Variants in SIDT1 observed in about 807,000 individuals in gnomAD.
SIDT1 encodes the protein SID1 transmembrane family member 1, also known as SID1 transmembrane family, member 1.
Under a neutral mutation model 107.5 loss-of-function variants are expected in SIDT1, and 101 were observed. The ratio of observed to expected loss-of-function variants is 0.94; its 90% CI spans 0.80 to 1.11. The LOEUF is 1.11. Among genes scored for constraint, SIDT1 ranks in the 50% least tolerant of loss-of-function variants. The pLI is 0.00. For synonymous variants in SIDT1, 395 were observed against 398.2 expected (o/e 0.99, Z 0.10); for missense variants, 1,076 against 1,058.2 (o/e 1.02, Z -0.23).
At chr3:113,595,100 C>T (rs2614193) in intron 10 of SIDT1, among the ~76,000 whole-genome samples, 85,056 of 152,120 alleles carry the variant, frequency 0.56, 24,519 homozygotes, top group African/African-American at 0.69. Context: ...AACCTACTTT[C>T]AGAATTAAGA....
chr3:113,566,437 GTA>G lies in SIDT1; in HGVS notation c.242_243del (p.Tyr81CysfsTer6). 6.2e-7 allele frequency: 1 copy of G among 1,614,106 alleles called. No homozygotes were observed. Among genetic ancestry groups the G allele is most frequent in the South Asian group, 1.1e-5 (1 of 91,074 alleles). On this transcript the variant is annotated frameshift_variant, in exon 2 of 25. Coordinates refer to ENST00000264852, the MANE Select transcript of SIDT1 (RefSeq NM_017699.3). LOFTEE classifies it high-confidence loss of function. Reference protein sequence around the residue: ...QPDQVTAVRVYVNSSSENLNY... With the variant: ...QPDQVTAVRVXVNSSSENLNY... ...CCATGCAGGTGACAGCCGTGAGGGT[GTA>G]TGTGAACAGTTCCTCTGAGAATCTC...
At chr3:113,581,569 T>A (rs1167309376) in intron 6 of SIDT1, 125 bp downstream of exon 6, 4 of 787,606 alleles carry the variant, frequency 5.1e-6, no homozygotes, top group Non-Finnish European at 8.5e-6. Context: ...CCTTTCTGAT[T>A]GGTTTAAAAA....
rs55802002 is a variant in SIDT1 at position 113,566,338 on chromosome 3, T to TTGTG, written c.223-58_223-55dup. ...CTATGGTGTGTGTGTTTGTGTGTGTTTGTGTGTGTGTGTGTGTGTGTGTGT... is the reference window on the plus strand; with the variant it reads ...CTATGGTGTGTGTGTTTGTGTGTGTTTGTGTGTGTGTGTGTGTGTGTGTGTGTGT... On this transcript the variant is annotated intron_variant, in intron 1 of 24. Coordinates refer to ENST00000264852, the MANE Select transcript of SIDT1 (RefSeq NM_017699.3). 1.2e-3 allele frequency: 1,300 copies of TTGTG among 1,099,158 alleles called. 2 individuals carry two copies. Among genetic ancestry groups the TTGTG allele is most frequent in the South Asian group, 2.3e-3 (150 of 65,116 alleles). 68.1% of individuals were successfully genotyped at this position (1,099,158 alleles called of 1,614,324 possible).
In SIDT1 at chr3:113,623,503, C is replaced by T; in HGVS notation, c.2167C>T (p.Leu723=). ...MLGIFICNLL[L]YLAFYIIMKL... ...GGGCATCTTCATCTGTAACCTTTTG[C>T]TGTACCTGGCCTTTTACATCATCAT... Residue 723 remains leucine (L), a synonymous_variant, in exon 22 of 25, where the codon CTG becomes TTG. Transcript: ENST00000264852. 6.2e-7 allele frequency: 1 copy of T among 1,613,932 alleles called. No homozygotes were observed. The highest frequency in any genetic ancestry group is 8.5e-7 in the Non-Finnish European group (1 of 1,179,822).
chr3:113,583,651 G>A (rs944862315), intron 7 of SIDT1, among the ~76,000 whole-genome samples, 155 bp downstream of exon 7: 8 of 152,094 alleles, frequency 5.3e-5, no homozygotes, highest in Admixed American at 3.3e-4. Flanking sequence ...GAAAAAAAAC[G>A]AAAGATAGAA....
At position 113,533,027 on chromosome 3, in the gene SIDT1, C is replaced by T. The variant is rs1937633941; in HGVS notation, c.6C>T (p.Arg2=). 2 of 1,370,136 alleles carry T rather than the reference C, an allele frequency of 1.5e-6. No individual in the cohort carries two copies. The highest frequency in any genetic ancestry group is 1.5e-5 in the African/African-American group (1 of 65,444). The allele number at this position is 1,370,136 out of a possible 1,614,324, so 84.9% of individuals were successfully genotyped here. A position where few individuals can be genotyped will look rare whatever the true frequency, so the allele number is the denominator to read the frequency against. Residue 2 remains arginine, a synonymous_variant, in exon 1 of 25, where the codon CGC becomes CGT. Transcript: ENST00000264852. M[R]GCLRLALLCA... is the part of the protein sequence containing the mutation. Reference sequence around the variant, plus strand: ...GCCCGGGCGCGGTGCCCACCATGCGCGGCTGCCTGCGGCTCGCGCTGCTCT... The same window carrying T: ...GCCCGGGCGCGGTGCCCACCATGCGTGGCTGCCTGCGGCTCGCGCTGCTCT...
chr3:113,539,596 T>G (rs1938574679), intron 1 of SIDT1, among the ~76,000 whole-genome samples: 1 of 152,224 alleles, frequency 6.6e-6, no homozygotes, highest in African/African-American at 2.4e-5. Flanking sequence ...TTCAGAAATA[T>G]ACGGTTTTTA....
At chr3:113,535,140 C>T (rs980667245) in intron 1 of SIDT1, among the ~76,000 whole-genome samples, 5 of 152,118 alleles carry the variant, frequency 3.3e-5, no homozygotes, top group African/African-American at 9.7e-5. Flanking sequence ...GGTGTGATGG[C>T]ACATGCGCCT....
At chr3:113,624,031 C>T (rs964308322) in intron 23 of SIDT1, among the ~76,000 whole-genome samples, 1 of 152,170 alleles carries the variant, frequency 6.6e-6, no homozygotes. Context: ...TTGAGTAGTT[C>T]ATCTTCTCAT....
At chr3:113,589,503 G>A (rs562331707) in intron 9 of SIDT1, among the ~76,000 whole-genome samples, 3 of 148,084 alleles carry the variant, frequency 2.0e-5, no homozygotes, top group African/African-American at 7.4e-5. Flanking sequence ...AGCTATGAGA[G>A]TCAGGCCAAA....
chr3:113,632,115 A>G (rs938107325), downstream of SIDT1, among the ~76,000 whole-genome samples: 1 of 152,144 alleles, frequency 6.6e-6, no homozygotes, highest in African/African-American at 2.4e-5. Flanking sequence ...GTCAAGTGCT[A>G]AATAAAAACT....
chr3:113,583,056 A>G (rs1043486383), intron 6 of SIDT1, among the ~76,000 whole-genome samples: 3 of 152,238 alleles, frequency 2.0e-5, no homozygotes, highest in Non-Finnish European at 4.4e-5. Context: ...GTGATTTATC[A>G]TTAGATTCTA....
intron 1 of SIDT1, among the ~76,000 whole-genome samples, chr3:113,561,887 T>A (rs2107726750): frequency 6.6e-6 from 1 of 152,274 alleles, no homozygotes; most frequent in East Asian, 1.9e-4. Flanking sequence ...GGAGGTTGCA[T>A]CTTAGGTGAA....
At position 113,549,093 on chromosome 3, in the gene SIDT1, T is replaced by C. The variant is rs191849976; in HGVS notation, c.222+15850T>C. On this transcript the variant is annotated intron_variant, in intron 1 of 24. Transcript: ENST00000264852. ...TTTTTATGGCTTGATGCCTCATTTC[T>C]TTTTAATGCTGAGTAATATTTCATT... Among the ~76,000 whole-genome samples the C allele has an allele frequency of 1.2e-4, 19 of 152,300 alleles. 1 individual carries two copies. The South Asian group carries it at 3.7e-3, about 30-fold the overall frequency.
At chr3:113,576,484 A>G (rs914736317) in intron 3 of SIDT1, among the ~76,000 whole-genome samples, 1 of 152,122 alleles carries the variant, frequency 6.6e-6, no homozygotes, top group African/African-American at 2.4e-5. Context: ...CCATTTTGCC[A>G]TGGGTCTATC....
chr3:113,606,355 G>A (rs1020432335), intron 14 of SIDT1: 1 of 152,234 alleles, frequency 6.6e-6, no homozygotes, highest in African/African-American at 2.4e-5. Flanking sequence ...CCCTGAGGGT[G>A]GGGCCAGGCA....
intron 9 of SIDT1, among the ~76,000 whole-genome samples, chr3:113,588,344 A>T (rs1943889575): frequency 6.6e-6 from 1 of 152,250 alleles, no homozygotes; most frequent in Non-Finnish European, 1.5e-5. Context: ...AAAAATGCTA[A>T]TAGGAGAACT....
chr3:113,619,301 C>G (rs1946304688), intron 20 of SIDT1, among the ~76,000 whole-genome samples: 1 of 152,128 alleles, frequency 6.6e-6, no homozygotes, highest in East Asian at 1.9e-4. Context: ...TAGTACACCC[C>G]AGAAAAACAG....
chr3:113,557,039 G>A (rs559744738), intron 1 of SIDT1, among the ~76,000 whole-genome samples: 20 of 151,810 alleles, frequency 1.3e-4, no homozygotes, highest in Non-Finnish European at 2.4e-4. Context: ...GGCTGGTCTC[G>A]ACCTCAGGTG....
Sources: gnomAD v4.1 joint callset for allele counts (sites outside exome capture counted in the v4.1 genomes callset) on GRCh38, gnomAD v4.1.1 for gene constraint, MANE v1.5 for transcripts, NCBI Gene and HGNC (gene_info 2026-07-23, HGNC 2026-07-21) for gene names.